The following CSMD1 variants were observed in gnomAD, a reference collection of about 807,000 sequenced individuals.
CSMD1 encodes the protein CUB and sushi domain-containing protein 1.
CSMD1 carries 213 observed loss-of-function variants against 417.5 expected under a neutral mutation model. The observed-to-expected ratio is 0.51, with a 90% CI of 0.46 to 0.57. The LOEUF is 0.57. Ranked by LOEUF, CSMD1 falls within the 20% of genes least tolerant of loss-of-function variation. The pLI is 0.00. For synonymous variants in CSMD1, 2,862 were observed against 1,736.8 expected (o/e 1.65, Z -16.11); for missense variants, 6,923 against 4,529.7 (o/e 1.53, Z -15.17).
chr8:3,107,427 A>G (rs1816218645), intron 45 of CSMD1, among the ~76,000 whole-genome samples: 1 of 152,194 alleles, frequency 6.6e-6, no homozygotes. Context: ...CTTTATTAAA[A>G]ACTATGAACT....
chr8:4,491,519 C>T (rs562958183), intron 2 of CSMD1, among the ~76,000 whole-genome samples: 4 of 152,052 alleles, frequency 2.6e-5, no homozygotes, highest in Non-Finnish European at 5.9e-5. Context: ...TCCTTCCTCC[C>T]ACATTTCATA....
chr8:4,522,713 G>C (rs1014668420), intron 2 of CSMD1, among the ~76,000 whole-genome samples: 1 of 152,072 alleles, frequency 6.6e-6, no homozygotes, highest in Admixed American at 6.6e-5. Flanking sequence ...ACCAAAGCAG[G>C]CCAACCCCTA....
intron 1 of CSMD1, among the ~76,000 whole-genome samples, chr8:4,791,934 T>C (rs1487445503): frequency 6.7e-6 from 1 of 148,598 alleles, no homozygotes; most frequent in Non-Finnish European, 1.5e-5. Flanking sequence ...AGTTTCTTTA[T>C]GTTAGTTTTC....
rs561834653 is a variant in CSMD1 at position 3,302,944 on chromosome 8, G to T, written c.3950+4751C>A. Among the ~76,000 whole-genome samples the T allele has an allele frequency of 6.9e-4, 105 of 152,306 alleles. 2 individuals carry two copies. Among genetic ancestry groups the T allele is most frequent in the African/African-American group, 2.4e-3 (99 of 41,568 alleles). On this transcript the variant is annotated intron_variant, in intron 25 of 69. Coordinates refer to ENST00000635120, the MANE Select transcript of CSMD1 (RefSeq NM_033225.6). ...TCAGGCTCTCCTACATGTCTGGTAA[G>T]GTCACCCATGACCAGCAACTGCTCC... is the stretch of plus-strand genomic sequence containing the variant.
intron 3 of CSMD1, among the ~76,000 whole-genome samples, chr8:4,280,897 T>A (rs1250833548): frequency 6.6e-6 from 1 of 152,222 alleles, no homozygotes; most frequent in Admixed American, 6.5e-5. Flanking sequence ...TGGTAATTAG[T>A]TGTCATGGAA....
At chr8:4,292,919 G>A (rs997916759) in intron 3 of CSMD1, among the ~76,000 whole-genome samples, 1 of 152,162 alleles carries the variant, frequency 6.6e-6, no homozygotes. Flanking sequence ...CAAATTCATG[G>A]ATAGTATTAA....
At chr8:4,437,190 C>A (rs1303620281) in intron 2 of CSMD1, among the ~76,000 whole-genome samples, 1 of 152,136 alleles carries the variant, frequency 6.6e-6, no homozygotes, top group Non-Finnish European at 1.5e-5. Context: ...ACTTTGTTGT[C>A]TCAACAAATC....
chr8:3,795,931 GTACAGA>G, intron 5 of CSMD1, among the ~76,000 whole-genome samples: 11 of 45,362 alleles, frequency 2.4e-4, no homozygotes, highest in African/African-American at 8.2e-4. Flanking sequence ...TATCTATCAT[GTACAGA>G]TATAGATATC....
intron 3 of CSMD1, among the ~76,000 whole-genome samples, chr8:4,100,413 C>G (rs1339062330): frequency 6.6e-6 from 1 of 152,170 alleles, no homozygotes; most frequent in Non-Finnish European, 1.5e-5. Context: ...GCCAACTACT[C>G]TGTAGCCCGT....
At chr8:4,030,774 C>A (rs926649720) in intron 4 of CSMD1, among the ~76,000 whole-genome samples, 13 of 152,126 alleles carry the variant, frequency 8.5e-5, no homozygotes, top group Non-Finnish European at 1.8e-4. Context: ...AGTTCATGAA[C>A]TTTTATGCTT....
intron 10 of CSMD1, among the ~76,000 whole-genome samples, chr8:3,566,234 G>A (rs920118591): frequency 6.6e-6 from 1 of 151,988 alleles, no homozygotes; most frequent in East Asian, 1.9e-4. Flanking sequence ...AAGGGGATGA[G>A]AAAAAGGAGG....
At chr8:4,574,256 G>A (rs1799030660) in intron 2 of CSMD1, among the ~76,000 whole-genome samples, 1 of 152,184 alleles carries the variant, frequency 6.6e-6, no homozygotes, top group Non-Finnish European at 1.5e-5. Flanking sequence ...GGTGGTGTAG[G>A]CATCTGAGGG....
chr8:3,954,046 G>C (rs1447428513), intron 5 of CSMD1, among the ~76,000 whole-genome samples: 2 of 152,184 alleles, frequency 1.3e-5, no homozygotes, highest in Non-Finnish European at 2.9e-5. Context: ...GCACATGCTT[G>C]GGAGCTCCTG....
intron 49 of CSMD1, among the ~76,000 whole-genome samples, chr8:3,068,243 G>A (rs1813078474): frequency 6.6e-6 from 1 of 151,988 alleles, no homozygotes; most frequent in South Asian, 2.1e-4. Flanking sequence ...ATTTGCTCAT[G>A]TTCTTTTTTC....
intron 3 of CSMD1, among the ~76,000 whole-genome samples, chr8:4,250,095 G>T (rs1402392147): frequency 6.6e-6 from 1 of 152,094 alleles, no homozygotes; most frequent in Non-Finnish European, 1.5e-5. Context: ...TTCTGCCATG[G>T]GATGACTCAG....
intron 2 of CSMD1, among the ~76,000 whole-genome samples, chr8:4,484,809 A>G (rs182078669): frequency 0.023 from 3,447 of 151,732 alleles, 47 homozygotes; most frequent in Middle Eastern, 0.051. Context: ...CTCTACTAAA[A>G]AATACAAAAA....
At chr8:3,610,752 A>G (rs1801852384) in intron 8 of CSMD1, among the ~76,000 whole-genome samples, 1 of 152,028 alleles carries the variant, frequency 6.6e-6, no homozygotes, top group Non-Finnish European at 1.5e-5. Flanking sequence ...GTAGAATTGC[A>G]TACTTAATGC....
intron 2 of CSMD1, among the ~76,000 whole-genome samples, chr8:4,439,875 T>C (rs1335988402): frequency 6.6e-6 from 1 of 152,062 alleles, no homozygotes; most frequent in African/African-American, 2.4e-5. Flanking sequence ...TGTAATGAGA[T>C]CCCAAAAGAG....
intron 1 of CSMD1, among the ~76,000 whole-genome samples, chr8:4,862,341 G>A (rs1035661838): frequency 1.3e-5 from 2 of 152,064 alleles, no homozygotes; most frequent in Non-Finnish European, 2.9e-5. Flanking sequence ...TTATTAGAGG[G>A]CTTTGCACAG....
Sources: allele counts gnomAD v4.1 joint callset (sites outside exome capture counted in the v4.1 genomes callset), GRCh38; gene constraint gnomAD v4.1.1; transcripts MANE v1.5; gene names NCBI Gene and HGNC (gene_info 2026-07-23, HGNC 2026-07-21).